WDR72: variants seen among roughly 807,000 people sequenced by gnomAD.
WDR72 encodes the protein WD repeat-containing protein 72.
WDR72 carries 120 observed loss-of-function variants against 124.2 expected under a neutral mutation model. That is an observed-to-expected ratio of 0.97 (90% confidence interval 0.83 to 1.12). WDR72 has a LOEUF of 1.12. WDR72 is among the 50% of genes most tolerant of loss of function. The pLI, the probability that WDR72 is intolerant of heterozygous loss-of-function variation, is 0.00. For missense variants in WDR72, 1,387 were observed against 1,278.8 expected (o/e 1.08, Z -1.29); for synonymous variants, 452 against 441.7 (o/e 1.02, Z -0.29).
intron 1 of WDR72, among the ~76,000 whole-genome samples, chr15:53,755,656 T>G (rs2018881676): frequency 6.6e-6 from 1 of 152,226 alleles, no homozygotes; most frequent in African/African-American, 2.4e-5. Context: ...GAGAATGAGA[T>G]GAAGGCCCCA....
intron 13 of WDR72, among the ~76,000 whole-genome samples, chr15:53,667,177 C>T (rs552117073): frequency 2.6e-5 from 4 of 152,076 alleles, no homozygotes; most frequent in Non-Finnish European, 4.4e-5. Context: ...CATGGTAAAA[C>T]GCCATCTCTA....
At chr15:53,655,259 A>AAAAAAAAG (rs1489415634) in intron 14 of WDR72, among the ~76,000 whole-genome samples, 6 of 119,528 alleles carry the variant, frequency 5.0e-5, no homozygotes, top group East Asian at 2.9e-4. Context: ...AAAAAAAAAA[A>AAAAAAAAG]AGAGATCTTA....
intron 2 of WDR72, among the ~76,000 whole-genome samples, chr15:53,731,944 C>T (rs982121591): frequency 6.6e-6 from 1 of 152,132 alleles, no homozygotes; most frequent in African/African-American, 2.4e-5. Context: ...CATATTATTA[C>T]ACAACTATTC....
At chr15:53,573,821 C>T (rs1034804328) in intron 18 of WDR72, among the ~76,000 whole-genome samples, 2 of 152,252 alleles carry the variant, frequency 1.3e-5, no homozygotes, top group African/African-American at 4.8e-5. Flanking sequence ...GCTGGGATTA[C>T]AGGCGTGAGC....
chr15:53,633,558 A>C (rs2014511548), intron 14 of WDR72, among the ~76,000 whole-genome samples: 1 of 152,224 alleles, frequency 6.6e-6, no homozygotes, highest in Admixed American at 6.5e-5. Flanking sequence ...TTCTTCTCTC[A>C]ATAGCACCAC....
intron 16 of WDR72, among the ~76,000 whole-genome samples, chr15:53,610,831 G>T (rs898211636): frequency 6.6e-6 from 1 of 152,028 alleles, no homozygotes; most frequent in African/African-American, 2.4e-5. Context: ...GCAGGTAAGA[G>T]AACATTTTCT....
intron 1 of WDR72, among the ~76,000 whole-genome samples, chr15:53,737,262 G>A (rs2018383319): frequency 6.6e-6 from 1 of 152,122 alleles, no homozygotes; most frequent in African/African-American, 2.4e-5. Flanking sequence ...ATATATCAAA[G>A]GAACACAGAA....
intron 18 of WDR72, among the ~76,000 whole-genome samples, chr15:53,589,127 C>G (rs970952391): frequency 3.3e-5 from 5 of 151,856 alleles, no homozygotes; most frequent in African/African-American, 1.2e-4. Flanking sequence ...CAGATCATGA[C>G]AAAGTGAGCA....
intron 18 of WDR72, among the ~76,000 whole-genome samples, chr15:53,529,645 C>T (rs141436417): frequency 5.9e-5 from 9 of 152,006 alleles, no homozygotes; most frequent in Non-Finnish European, 8.8e-5. Flanking sequence ...GATTGCTGAA[C>T]GAATAGACAA....
At chr15:53,666,326 A>C (rs2015778835) in intron 13 of WDR72, among the ~76,000 whole-genome samples, 1 of 151,916 alleles carries the variant, frequency 6.6e-6, no homozygotes, top group Admixed American at 6.6e-5. Context: ...TTTATTTCTT[A>C]TGTTATTAGA....
intron 2 of WDR72, among the ~76,000 whole-genome samples, chr15:53,726,285 T>TATATATATATATATATATATATAC (rs1228132828): frequency 1.7e-5 from 2 of 115,468 alleles, no homozygotes; most frequent in African/African-American, 3.7e-5. Context: ...TATATATATA[T>TATATATATATATATATATATATAC]ACACACACAC....
chr15:53,625,710 A>G (rs1057092639), intron 14 of WDR72, among the ~76,000 whole-genome samples: 3 of 152,180 alleles, frequency 2.0e-5, no homozygotes, highest in Non-Finnish European at 4.4e-5. Flanking sequence ...CAGAATAATT[A>G]AAACCAACGC....
At chr15:53,530,422 T>C (rs924064232) in intron 18 of WDR72, among the ~76,000 whole-genome samples, 4 of 152,044 alleles carry the variant, frequency 2.6e-5, no homozygotes, top group East Asian at 3.9e-4. Context: ...GCACTCTTTA[T>C]GCAATTTAGT....
chr15:53,660,467 A>G (rs1172662704), intron 14 of WDR72, among the ~76,000 whole-genome samples: 1 of 152,136 alleles, frequency 6.6e-6, no homozygotes, highest in Non-Finnish European at 1.5e-5. Context: ...CAAATTTTCA[A>G]TTGGTGGTCT....
At chr15:53,520,970 C>T (rs537531721) in intron 19 of WDR72, among the ~76,000 whole-genome samples, 73 of 152,142 alleles carry the variant, frequency 4.8e-4, no homozygotes, top group African/African-American at 1.7e-3. Context: ...AATTTCTTAT[C>T]ACAGAATTTT....
intron 13 of WDR72, among the ~76,000 whole-genome samples, chr15:53,676,689 T>G (rs758315090): frequency 1.1e-4 from 17 of 152,180 alleles, no homozygotes; most frequent in Non-Finnish European, 2.4e-4. Flanking sequence ...ACATATTTAT[T>G]TTGCCTCATG....
rs1031915524 is a variant in WDR72 at position 53,525,776 on chromosome 15, G to T, written c.3149-2454C>A. ...GTGTGGGGGAGGGGAAATAAAGATGGTTATTCTTCAGATATTGAACTTGGT... is the reference window on the plus strand; with the variant it reads ...GTGTGGGGGAGGGGAAATAAAGATGTTTATTCTTCAGATATTGAACTTGGT... On this transcript the variant is annotated intron_variant, in intron 18 of 19. Transcript: ENST00000360509. Among the ~76,000 whole-genome samples the T allele has an allele frequency of 5.9e-5, 9 of 152,100 alleles. No homozygotes were observed. In the South Asian group the frequency reaches 1.7e-3, roughly 28 times the overall value.
chr15:53,636,178 T>G (rs1008288956), intron 14 of WDR72, among the ~76,000 whole-genome samples: 7 of 152,184 alleles, frequency 4.6e-5, no homozygotes, highest in African/African-American at 1.7e-4. Flanking sequence ...TCTTTGTCAA[T>G]AAAGGTAAAT....
chr15:53,591,327 A>G (rs914756436), intron 18 of WDR72, among the ~76,000 whole-genome samples: 11 of 152,088 alleles, frequency 7.2e-5, no homozygotes, highest in African/African-American at 2.7e-4. Flanking sequence ...GCATAGAAGC[A>G]GAGAGGAAGT....
Sources: gnomAD v4.1 joint callset for allele counts (sites outside exome capture counted in the v4.1 genomes callset) on GRCh38, gnomAD v4.1.1 for gene constraint, MANE v1.5 for transcripts, NCBI Gene and HGNC (gene_info 2026-07-23, HGNC 2026-07-21) for gene names.